Variants in GNAQ observed in about 807,000 individuals in gnomAD.
The protein encoded by GNAQ is G protein subunit alpha q, also known as guanine nucleotide-binding protein G(q) subunit alpha.
GNAQ carries 8 observed loss-of-function variants against 43.9 expected under a neutral mutation model. That is an observed-to-expected ratio of 0.18 (90% CI 0.11 to 0.33). The LOEUF (loss-of-function observed/expected upper bound fraction) is 0.33, where lower values mean the gene tolerates loss of function less well. GNAQ is among the 10% of genes least tolerant of loss of function. GNAQ has a pLI of 1.00. For missense variants in GNAQ, 158 were observed against 450.8 expected, an observed-to-expected ratio of 0.35 and a Z score of 5.88; for synonymous variants, 155 against 170.7, an observed-to-expected ratio of 0.91 and a Z score of 0.71.
intron 6 of GNAQ, among the ~76,000 whole-genome samples, chr9:77,722,145 T>G (rs1825324974): frequency 6.6e-6 from 1 of 151,866 alleles, no homozygotes; most frequent in Non-Finnish European, 1.5e-5. Context: ...TCTTTTCTTT[T>G]TTTTTTTTTG....
chr9:77,890,341 C>T (rs1828382895), intron 2 of GNAQ, among the ~76,000 whole-genome samples: 2 of 152,238 alleles, frequency 1.3e-5, no homozygotes, highest in African/African-American at 4.8e-5. Context: ...CCTAAGAAAG[C>T]TTTAGTAGCA....
intron 1 of GNAQ, 82 bp from the exon 2 acceptor site, chr9:77,922,427 G>T: frequency 7.3e-3 from 5,773 of 789,792 alleles, no homozygotes; most frequent in East Asian, 0.012. Context: ...CCATGCCTTG[G>T]ATTTAACATC....
chr9:77,768,028 A>G lies in GNAQ; in HGVS notation c.735+26435T>C, dbSNP rs149535742. ...TTATTAAAATAATCATGCATTTACTATATGTCAGGGACTGTGCTAAATATT... is the reference window on the plus strand; with the variant it reads ...TTATTAAAATAATCATGCATTTACTGTATGTCAGGGACTGTGCTAAATATT... On this transcript the variant is annotated intron_variant, in intron 5 of 6. Coordinates refer to ENST00000286548, the MANE Select transcript of GNAQ (RefSeq NM_002072.5). 5.4e-3 allele frequency among the ~76,000 whole-genome samples: 823 copies of G among 152,344 alleles called. 4 individuals carry two copies. Among genetic ancestry groups the G allele is most frequent in the Non-Finnish European group, 8.1e-3 (550 of 68,038 alleles).
At chr9:77,933,891 T>C (rs187148775) in intron 1 of GNAQ, among the ~76,000 whole-genome samples, 8 of 152,234 alleles carry the variant, frequency 5.3e-5, no homozygotes, top group Admixed American at 5.2e-4. Context: ...TTGCACACTT[T>C]AAAAATGCAG....
chr9:77,985,007 A>C (rs1280729277), intron 1 of GNAQ, among the ~76,000 whole-genome samples: 1 of 152,266 alleles, frequency 6.6e-6, no homozygotes, highest in East Asian at 1.9e-4. Context: ...TTCCCCCTAC[A>C]TGGTTTTCAA....
chr9:77,935,263 G>A (rs962357554), intron 1 of GNAQ, among the ~76,000 whole-genome samples: 1 of 152,068 alleles, frequency 6.6e-6, no homozygotes, highest in African/African-American at 2.4e-5. Flanking sequence ...TCTCTCTTGG[G>A]GGGAAATGTT....
chr9:77,825,113 C>T (rs1008392922), intron 2 of GNAQ, among the ~76,000 whole-genome samples: 1 of 152,058 alleles, frequency 6.6e-6, no homozygotes, highest in Admixed American at 6.5e-5. Flanking sequence ...ATGTTAAGTA[C>T]TGATAAATAA....
intron 2 of GNAQ, among the ~76,000 whole-genome samples, chr9:77,897,286 A>G (rs1828519674): frequency 1.3e-5 from 2 of 152,238 alleles, no homozygotes; most frequent in Non-Finnish European, 2.9e-5. Flanking sequence ...ATGAAGCTCT[A>G]TTGAATGTTT....
intron 1 of GNAQ, among the ~76,000 whole-genome samples, chr9:77,978,917 G>T (rs943289351): frequency 1.3e-5 from 2 of 151,956 alleles, no homozygotes; most frequent in Admixed American, 1.3e-4. Flanking sequence ...TCAGCCGGGC[G>T]TGGTGGCACT....
At chr9:77,776,062 A>G (rs1461384044) in intron 5 of GNAQ, among the ~76,000 whole-genome samples, 2 of 152,254 alleles carry the variant, frequency 1.3e-5, no homozygotes, top group East Asian at 1.9e-4. Flanking sequence ...ACTTTTTCAG[A>G]TATCTGGAAA....
At chr9:77,751,040 G>A (rs796305207) in intron 5 of GNAQ, among the ~76,000 whole-genome samples, 7 of 152,248 alleles carry the variant, frequency 4.6e-5, no homozygotes, top group African/African-American at 1.7e-4. Context: ...TTCCCTTTTG[G>A]TGTATTCCTT....
intron 5 of GNAQ, among the ~76,000 whole-genome samples, chr9:77,762,196 T>C (rs1439520841): frequency 1.6e-5 from 2 of 125,280 alleles, no homozygotes; most frequent in African/African-American, 6.1e-5. Flanking sequence ...CCACCCCTAC[T>C]GGGAAGTGAG....
At chr9:77,897,775 CA>C (rs1477497765) in intron 2 of GNAQ, among the ~76,000 whole-genome samples, 1 of 152,080 alleles carries the variant, frequency 6.6e-6, no homozygotes, top group Non-Finnish European at 1.5e-5. Context: ...CCAAGATGGC[CA>C]GGGGCCACAA....
At chr9:78,019,147 G>C in intron 1 of GNAQ, among the ~76,000 whole-genome samples, 1 of 152,168 alleles carries the variant, frequency 6.6e-6, no homozygotes, top group Non-Finnish European at 1.5e-5. Flanking sequence ...TCTTTACCAA[G>C]ATGTATTGGA....
chr9:78,013,163 C>G (rs1433878453), intron 1 of GNAQ, among the ~76,000 whole-genome samples: 1 of 152,246 alleles, frequency 6.6e-6, no homozygotes, highest in African/African-American at 2.4e-5. Context: ...ACCATAAACA[C>G]CTCTCCTTCC....
intron 1 of GNAQ, among the ~76,000 whole-genome samples, chr9:77,930,163 C>G (rs980442500): frequency 1.3e-5 from 2 of 152,172 alleles, no homozygotes; most frequent in Non-Finnish European, 2.9e-5. Context: ...AGTCCTGTAA[C>G]TGTACCAGCT....
chr9:77,981,559 T>C (rs1823368380), intron 1 of GNAQ, among the ~76,000 whole-genome samples: 1 of 152,138 alleles, frequency 6.6e-6, no homozygotes, highest in Admixed American at 6.5e-5. Context: ...AATCAGGAAG[T>C]TCATAGCTGG....
At chr9:78,015,748 A>G (rs1003987866) in intron 1 of GNAQ, among the ~76,000 whole-genome samples, 49 of 152,194 alleles carry the variant, frequency 3.2e-4, no homozygotes, top group African/African-American at 1.1e-3. Context: ...TTTAAACTAT[A>G]TTAAACAATC....
chr9:77,855,330 A>C (rs1827736111), intron 2 of GNAQ, among the ~76,000 whole-genome samples: 2 of 152,218 alleles, frequency 1.3e-5, no homozygotes, highest in Non-Finnish European at 2.9e-5. Flanking sequence ...GCCAACGAGC[A>C]GTTATTTTTT....
Sources: gnomAD v4.1 joint callset for allele counts (sites outside exome capture counted in the v4.1 genomes callset) on GRCh38, gnomAD v4.1.1 for gene constraint, MANE v1.5 for transcripts, NCBI Gene and HGNC (gene_info 2026-07-23, HGNC 2026-07-21) for gene names.